Variants in OLA1 observed in about 807,000 individuals in gnomAD.
OLA1 encodes the protein obg-like ATPase 1.
In OLA1, 14 loss-of-function variants were observed where a neutral mutation model predicts 48.4. That is an observed-to-expected ratio of 0.29 (90% CI 0.19 to 0.45). OLA1 has a LOEUF of 0.45. Ranked by LOEUF, OLA1 falls within the 20% of genes least tolerant of loss-of-function variation. The pLI is 1.00. For missense variants in OLA1, 325 were observed against 467.1 expected (o/e 0.70, Z 2.80); for synonymous variants, 127 against 150.4 (o/e 0.84, Z 1.14).
At chr2:174,118,368 T>C (rs1389797246) in intron 7 of OLA1, among the ~76,000 whole-genome samples, 1 of 152,202 alleles carries the variant, frequency 6.6e-6, no homozygotes, top group African/African-American at 2.4e-5. Flanking sequence ...TTTAAGGGGA[T>C]TGTTTTTGAA....
At chr2:174,197,302 C>A (rs1687898539) in intron 4 of OLA1, among the ~76,000 whole-genome samples, 1 of 152,072 alleles carries the variant, frequency 6.6e-6, no homozygotes, top group Non-Finnish European at 1.5e-5. Flanking sequence ...CAGTTTCTCA[C>A]TGATGGCAAA....
intron 7 of OLA1, among the ~76,000 whole-genome samples, chr2:174,088,872 T>A (rs925312312): frequency 7.7e-6 from 1 of 129,938 alleles, no homozygotes. Flanking sequence ...TGAAATCCTG[T>A]CTCAAAAATA....
intron 4 of OLA1, among the ~76,000 whole-genome samples, chr2:174,188,542 T>C (rs1269618539): frequency 6.6e-6 from 1 of 152,182 alleles, no homozygotes; most frequent in Non-Finnish European, 1.5e-5. Flanking sequence ...GAACACATTA[T>C]CTTTTCACAT....
chr2:174,093,662 T>C (rs952862428), intron 7 of OLA1, among the ~76,000 whole-genome samples: 1 of 152,226 alleles, frequency 6.6e-6, no homozygotes, highest in African/African-American at 2.4e-5. Flanking sequence ...ATTCTGGTTG[T>C]AAACATCGCA....
At chr2:174,171,093 A>C (rs1687290689) in intron 4 of OLA1, among the ~76,000 whole-genome samples, 1 of 152,250 alleles carries the variant, frequency 6.6e-6, no homozygotes, top group Non-Finnish European at 1.5e-5. Context: ...ATATACACAT[A>C]ATGTGTATGT....
chr2:174,185,176 A>G (rs1294219999), intron 4 of OLA1, among the ~76,000 whole-genome samples: 1 of 152,176 alleles, frequency 6.6e-6, no homozygotes, highest in Non-Finnish European at 1.5e-5. Flanking sequence ...ACTTCCAATT[A>G]AAACAGCATA....
chr2:174,239,552 G>A (rs944639608), intron 2 of OLA1, among the ~76,000 whole-genome samples: 1 of 151,912 alleles, frequency 6.6e-6, no homozygotes, highest in African/African-American at 2.4e-5. Context: ...GACTGAGAAT[G>A]TGTTCCAGGT....
At chr2:174,152,869 T>A (rs1229841512) in intron 4 of OLA1, among the ~76,000 whole-genome samples, 3 of 152,276 alleles carry the variant, frequency 2.0e-5, no homozygotes, top group African/African-American at 7.2e-5. Context: ...CATAAAATAA[T>A]CCAGTCTGTG....
chr2:174,075,407 T>C lies in OLA1; in HGVS notation c.*19A>G. The C allele has an allele frequency of 6.9e-7, 1 of 1,443,992 alleles. No individual in the cohort carries two copies. Among genetic ancestry groups the C allele is most frequent in the Non-Finnish European group, 9.7e-7 (1 of 1,030,132 alleles). 89.4% of individuals were successfully genotyped at this position (1,443,992 alleles called of 1,614,324 possible). ...ATGCCTTTTGGAAGTTGTATGTTTA[T>C]CTGAGCAATAACTAAATTTTATTTC... On this transcript the variant is annotated 3_prime_UTR_variant, in exon 11 of 11. Transcript: ENST00000284719.
At chr2:174,148,602 A>G (rs1251949898) in intron 4 of OLA1, among the ~76,000 whole-genome samples, 5 of 152,184 alleles carry the variant, frequency 3.3e-5, no homozygotes, top group Admixed American at 2.6e-4. Flanking sequence ...CTTTCACAAC[A>G]AAGTACTCTT....
intron 4 of OLA1, among the ~76,000 whole-genome samples, chr2:174,192,304 G>A (rs535504036): frequency 6.6e-6 from 1 of 152,212 alleles, no homozygotes; most frequent in African/African-American, 2.4e-5. Flanking sequence ...TATCAGTTAA[G>A]CATCCATAAT....
chr2:174,091,081 T>C (rs570529701), intron 7 of OLA1, among the ~76,000 whole-genome samples: 1 of 152,342 alleles, frequency 6.6e-6, no homozygotes, highest in African/African-American at 2.4e-5. Context: ...CCTAGCACAA[T>C]GCCTGGCACA....
intron 7 of OLA1, among the ~76,000 whole-genome samples, chr2:174,085,552 A>G (rs1287806499): frequency 6.6e-6 from 1 of 152,214 alleles, no homozygotes; most frequent in Non-Finnish European, 1.5e-5. Flanking sequence ...GGTGCCAACA[A>G]GGTCGGGGAC....
intron 2 of OLA1, among the ~76,000 whole-genome samples, chr2:174,235,430 C>A (rs1327371423): frequency 6.6e-6 from 1 of 152,172 alleles, no homozygotes; most frequent in Non-Finnish European, 1.5e-5. Flanking sequence ...CCCTCTGCTA[C>A]AAGAACTGCC....
chr2:174,165,014 T>C (rs1447633914), intron 4 of OLA1, among the ~76,000 whole-genome samples: 1 of 152,062 alleles, frequency 6.6e-6, no homozygotes, highest in Non-Finnish European at 1.5e-5. Flanking sequence ...GGCCAAAAGG[T>C]AGAGTAGAGA....
intron 4 of OLA1, among the ~76,000 whole-genome samples, chr2:174,161,636 GCCTGGGTGACAGACTAAGA>G (rs1687014842): frequency 6.7e-6 from 1 of 149,364 alleles, no homozygotes; most frequent in African/African-American, 2.5e-5. Flanking sequence ...CTGCACTCCA[GCCTGGGTGACAGACTAAGA>G]CTTTGTCTCT....
chr2:174,086,481 A>G (rs931285551), intron 7 of OLA1, among the ~76,000 whole-genome samples: 1 of 152,152 alleles, frequency 6.6e-6, no homozygotes, highest in Non-Finnish European at 1.5e-5. Flanking sequence ...TATATATACT[A>G]TGTTTTTTCC....
At chr2:174,184,608 G>A (rs958954422) in intron 4 of OLA1, among the ~76,000 whole-genome samples, 2 of 152,184 alleles carry the variant, frequency 1.3e-5, no homozygotes, top group African/African-American at 4.8e-5. Flanking sequence ...TCTAAATGAA[G>A]TCTAGAGTTT....
chr2:174,226,751 G>A (rs1236595881), intron 3 of OLA1, among the ~76,000 whole-genome samples: 5 of 151,974 alleles, frequency 3.3e-5, no homozygotes, highest in African/African-American at 1.2e-4. Context: ...TTCCCACCTC[G>A]GCCTCCCAAA....
Sources: gnomAD v4.1 joint callset for allele counts (sites outside exome capture counted in the v4.1 genomes callset) on GRCh38, gnomAD v4.1.1 for gene constraint, MANE v1.5 for transcripts, NCBI Gene and HGNC (gene_info 2026-07-23, HGNC 2026-07-21) for gene names.